The following DPYD variants were observed in gnomAD, a reference collection of about 807,000 sequenced individuals.
The protein encoded by DPYD is dihydropyrimidine dehydrogenase.
Under a neutral mutation model 116.2 loss-of-function variants are expected in DPYD, and 109 were observed. The observed-to-expected ratio is 0.94, with a 90% CI of 0.80 to 1.10. The LOEUF is 1.10. Among genes scored for constraint, DPYD ranks in the 50% least tolerant of loss-of-function variants. The pLI is 0.00. For synonymous variants in DPYD, 440 were observed against 432.0 expected, an observed-to-expected ratio of 1.02 and a Z score of -0.23; for missense variants, 1,302 against 1,254.5, an observed-to-expected ratio of 1.04 and a Z score of -0.57.
intron 2 of DPYD, among the ~76,000 whole-genome samples, chr1:97,861,700 G>T (rs957535573): frequency 2.6e-5 from 4 of 151,768 alleles, no homozygotes; most frequent in African/African-American, 9.7e-5. Context: ...CTAGTAATTT[G>T]GGAAAAGTCA....
chr1:97,436,882 G>A (rs760033885), intron 14 of DPYD, among the ~76,000 whole-genome samples: 5 of 151,800 alleles, frequency 3.3e-5, no homozygotes, highest in African/African-American at 4.8e-5. Flanking sequence ...CTAGGTAGCC[G>A]GGTGTTAGCG....
At chr1:97,535,903 C>T (rs990166971) in intron 12 of DPYD, among the ~76,000 whole-genome samples, 7 of 152,046 alleles carry the variant, frequency 4.6e-5, no homozygotes, top group African/African-American at 1.4e-4. Context: ...GTATCTGATG[C>T]ATAATAATTA....
intron 2 of DPYD, among the ~76,000 whole-genome samples, chr1:97,846,442 C>T (rs554841313): frequency 4.0e-4 from 61 of 152,282 alleles, no homozygotes; most frequent in African/African-American, 1.3e-3. Flanking sequence ...TTCAGAGACA[C>T]AAGAGACAGC....
chr1:97,656,728 T>A (rs1175004951), intron 8 of DPYD, among the ~76,000 whole-genome samples: 3 of 152,190 alleles, frequency 2.0e-5, no homozygotes, highest in Admixed American at 2.0e-4. Context: ...CTGCCATTTT[T>A]AAATGAAATC....
intron 20 of DPYD, among the ~76,000 whole-genome samples, chr1:97,133,924 G>A (rs1038244391): frequency 4.0e-5 from 6 of 148,474 alleles, no homozygotes; most frequent in Admixed American, 3.4e-4. Context: ...GCTGAAACCC[G>A]GGAGGTGGAG....
At chr1:97,831,415 T>C (rs1669531566) in intron 2 of DPYD, among the ~76,000 whole-genome samples, 1 of 152,256 alleles carries the variant, frequency 6.6e-6, no homozygotes, top group African/African-American at 2.4e-5. Context: ...CCAATCAAAA[T>C]CTGTTCTCAG....
At chr1:97,717,630 T>C (rs967801142) in intron 5 of DPYD, among the ~76,000 whole-genome samples, 16 of 152,040 alleles carry the variant, frequency 1.1e-4, no homozygotes, top group African/African-American at 3.9e-4. Context: ...ACAAAGTCTA[T>C]TGTATCATTC....
chr1:97,379,421 T>C (rs1400237012), intron 15 of DPYD, among the ~76,000 whole-genome samples: 2 of 152,228 alleles, frequency 1.3e-5, no homozygotes, highest in Non-Finnish European at 2.9e-5. Context: ...CAGCCAATTA[T>C]ACGCTTCCTC....
At position 97,234,944 on chromosome 1, in the gene DPYD, C is replaced by T. The variant is rs1194413262; in HGVS notation, c.2350G>A (p.Ala784Thr). 2 of 1,614,006 alleles carry T rather than the reference C, an allele frequency of 1.2e-6. No individual in the cohort carries two copies. The highest frequency in any genetic ancestry group is 2.2e-5 in the South Asian group (2 of 91,074). The change falls in exon 19 of 23, where the codon GCT becomes ACT. Residue 784 changes from alanine to threonine, a missense_variant. Transcript: ENST00000370192. The stretch of plus-strand genomic sequence containing the variant: ...GCCAAAATGGGAAATCCAGGCAGAG[C>T]ACGAGCAATGGAGGTCACAGCTCTC... Reference protein sequence around the residue: ...ALRAVTSIARALPGFPILATG... With the variant: ...ALRAVTSIARTLPGFPILATG...
intron 4 of DPYD, among the ~76,000 whole-genome samples, chr1:97,729,754 A>C (rs1476757403): frequency 6.6e-6 from 1 of 152,146 alleles, no homozygotes; most frequent in South Asian, 2.1e-4. Flanking sequence ...TCCCTGCTCT[A>C]TTTAATGAAC....
chr1:97,090,074 C>T (rs1649798013), intron 21 of DPYD, among the ~76,000 whole-genome samples: 1 of 152,054 alleles, frequency 6.6e-6, no homozygotes, highest in African/African-American at 2.4e-5. Context: ...CAGTTCTGTG[C>T]TTTCTATGAA....
chr1:97,394,421 T>G (rs1198925928), intron 14 of DPYD: 1 of 152,066 alleles, frequency 6.6e-6, no homozygotes, highest in Non-Finnish European at 1.5e-5. Flanking sequence ...CTGAAGAGAC[T>G]GACGGAATGA....
At chr1:97,445,701 CTTTCTAAATGTA>C (rs1450145165) in intron 14 of DPYD, among the ~76,000 whole-genome samples, 1 of 149,994 alleles carries the variant, frequency 6.7e-6, no homozygotes, top group Admixed American at 6.7e-5. Context: ...AGTATTACTC[CTTTCTAAATGTA>C]TAAATTGTCT....
chr1:97,287,370 G>A (rs926282035), intron 18 of DPYD, among the ~76,000 whole-genome samples: 1 of 152,184 alleles, frequency 6.6e-6, no homozygotes, highest in Non-Finnish European at 1.5e-5. Context: ...CTGCTCGGGG[G>A]TCAGGGGTCA....
intron 8 of DPYD, among the ~76,000 whole-genome samples, chr1:97,673,816 T>C (rs541391451): frequency 1.8e-4 from 28 of 151,880 alleles, no homozygotes; most frequent in African/African-American, 5.8e-4. Flanking sequence ...TTGTATCAAA[T>C]AGAAAAAAAG....
At chr1:97,746,070 T>C (rs1242358699) in intron 3 of DPYD, among the ~76,000 whole-genome samples, 1 of 152,014 alleles carries the variant, frequency 6.6e-6, no homozygotes, top group African/African-American at 2.4e-5. Flanking sequence ...GATGAAAAGG[T>C]TGGAGTTTTA....
intron 1 of DPYD, among the ~76,000 whole-genome samples, chr1:97,903,538 G>A (rs758563239): frequency 3.3e-5 from 5 of 151,924 alleles, no homozygotes; most frequent in East Asian, 3.9e-4. Context: ...CATGGACAAC[G>A]CTAAGTAAAT....
At chr1:97,256,160 C>T (rs916217276) in intron 18 of DPYD, among the ~76,000 whole-genome samples, 1 of 152,086 alleles carries the variant, frequency 6.6e-6, no homozygotes, top group African/African-American at 2.4e-5. Context: ...TTATTTCCCT[C>T]CAGGATGTCT....
At chr1:97,823,433 T>TACTGTTGACTATA (rs1669066395) in intron 3 of DPYD, among the ~76,000 whole-genome samples, 1 of 152,170 alleles carries the variant, frequency 6.6e-6, no homozygotes, top group Admixed American at 6.6e-5. Flanking sequence ...TACAATATAT[T>TACTGTTGACTATA]ACTGTTGACT....
Sources: gnomAD v4.1 joint callset for allele counts (sites outside exome capture counted in the v4.1 genomes callset) on GRCh38, gnomAD v4.1.1 for gene constraint, MANE v1.5 for transcripts, NCBI Gene and HGNC (gene_info 2026-07-23, HGNC 2026-07-21) for gene names.